Variants in SLC24A2 observed in about 807,000 individuals in gnomAD.
The protein encoded by SLC24A2 is solute carrier family 24 member 2.
In SLC24A2, 36 loss-of-function variants were observed where a neutral mutation model predicts 62.0. That is an observed-to-expected ratio of 0.58 (90% confidence interval 0.44 to 0.77). SLC24A2 has a LOEUF of 0.77. SLC24A2 is among the 30% of genes least tolerant of loss of function. The pLI is 0.00. For missense variants in SLC24A2, 846 were observed against 817.9 expected (o/e 1.03, Z -0.42); for synonymous variants, 358 against 294.0 (o/e 1.22, Z -2.23).
the SLC24A2 span, among the ~76,000 whole-genome samples, chr9:20,119,634 G>C: frequency 1.3e-5 from 2 of 152,252 alleles, no homozygotes; most frequent in South Asian, 2.1e-4. Flanking sequence ...ACCATAAAAA[G>C]CCTACAGCTA....
chr9:20,296,711 C>T, the SLC24A2 span, among the ~76,000 whole-genome samples: 11 of 152,168 alleles, frequency 7.2e-5, no homozygotes, highest in Non-Finnish European at 1.5e-4. Context: ...ATTGAGGTTG[C>T]CCATCATGGT....
At chr9:20,110,157 A>G in the SLC24A2 span, among the ~76,000 whole-genome samples, 96 of 152,294 alleles carry the variant, frequency 6.3e-4, no homozygotes, top group African/African-American at 2.3e-3. Flanking sequence ...TAAGGCTTCA[A>G]CTGGCTTTAA....
chr9:19,857,371 A>G, the SLC24A2 span, among the ~76,000 whole-genome samples: 1 of 152,120 alleles, frequency 6.6e-6, no homozygotes, highest in African/African-American at 2.4e-5. Context: ...CCTCAATTAC[A>G]TCTACAAAGT....
the SLC24A2 span, among the ~76,000 whole-genome samples, chr9:20,087,542 A>G: frequency 1.3e-5 from 2 of 152,222 alleles, no homozygotes; most frequent in African/African-American, 4.8e-5. Flanking sequence ...AAGAGAGATA[A>G]TATTTCCTCT....
intron 5 of SLC24A2, among the ~76,000 whole-genome samples, chr9:19,589,442 T>A (rs1282624148): frequency 6.6e-6 from 1 of 152,234 alleles, no homozygotes; most frequent in Admixed American, 6.5e-5. Flanking sequence ...TCACTCTTAT[T>A]GTCTTTCCTT....
the SLC24A2 span, among the ~76,000 whole-genome samples, chr9:19,991,860 C>T: frequency 6.6e-6 from 1 of 152,126 alleles, no homozygotes; most frequent in Non-Finnish European, 1.5e-5. Flanking sequence ...ATGAGCAAGA[C>T]TTAAACTGAG....
At chr9:20,164,699 G>T in the SLC24A2 span, among the ~76,000 whole-genome samples, 1 of 151,904 alleles carries the variant, frequency 6.6e-6, no homozygotes, top group East Asian at 1.9e-4. Flanking sequence ...GTTTATTGTG[G>T]CACTATTCAC....
At position 19,621,996 on chromosome 9, in the gene SLC24A2, C is replaced by T. The variant is rs114061409; in HGVS notation, c.969+265G>A. Among the ~76,000 whole-genome samples the T allele has an allele frequency of 8.7e-3, 1,328 of 152,288 alleles. 20 individuals are homozygous for T. The highest frequency in any genetic ancestry group is 0.03 in the African/African-American group (1,258 of 41,552). On this transcript the variant is annotated intron_variant, in intron 3 of 10. Transcript: ENST00000341998. ...TGCAATTTGGAAATATCTCACTCTT[C>T]CAACTTCTACAAAAGTTCATACCAA...
intron 7 of SLC24A2, among the ~76,000 whole-genome samples, chr9:19,552,124 A>G (rs754369384): frequency 1.3e-5 from 2 of 152,176 alleles, no homozygotes; most frequent in South Asian, 2.1e-4. Context: ...TTTCTATGCA[A>G]TTCACATATT....
At chr9:19,823,801 ATGGTAC>A in the SLC24A2 span, among the ~76,000 whole-genome samples, 4 of 152,180 alleles carry the variant, frequency 2.6e-5, no homozygotes, top group Non-Finnish European at 5.9e-5. Flanking sequence ...CCAAAAGAGC[ATGGTAC>A]TGGTACCAAA....
the SLC24A2 span, among the ~76,000 whole-genome samples, chr9:20,085,277 G>A: frequency 6.6e-6 from 1 of 152,158 alleles, no homozygotes; most frequent in African/African-American, 2.4e-5. Context: ...GGGATTACAG[G>A]CATGAGCCAC....
chr9:20,022,826 A>G, the SLC24A2 span, among the ~76,000 whole-genome samples: 1 of 152,196 alleles, frequency 6.6e-6, no homozygotes, highest in African/African-American at 2.4e-5. Flanking sequence ...CTAATAAAAA[A>G]TATCGCATTA....
At chr9:20,004,264 T>A in the SLC24A2 span, among the ~76,000 whole-genome samples, 12 of 152,342 alleles carry the variant, frequency 7.9e-5, no homozygotes, top group South Asian at 2.5e-3. Context: ...GGAGGTTTCC[T>A]TCCATTGGCC....
chr9:20,015,335 G>C, the SLC24A2 span, among the ~76,000 whole-genome samples: 1 of 152,202 alleles, frequency 6.6e-6, no homozygotes, highest in Non-Finnish European at 1.5e-5. Flanking sequence ...TAGCCTTGTA[G>C]ATGCAGGTGC....
At chr9:19,758,503 T>A (rs992161388) in intron 2 of SLC24A2, among the ~76,000 whole-genome samples, 5 of 152,206 alleles carry the variant, frequency 3.3e-5, no homozygotes, top group Non-Finnish European at 7.3e-5. Flanking sequence ...TGAACTTTCC[T>A]TATTTATTTT....
chr9:19,854,927 G>A, the SLC24A2 span, among the ~76,000 whole-genome samples: 2 of 152,164 alleles, frequency 1.3e-5, no homozygotes, highest in Non-Finnish European at 2.9e-5. Flanking sequence ...GTGAGTCTGA[G>A]TCTCTTTGCA....
At chr9:19,850,767 C>G in the SLC24A2 span, among the ~76,000 whole-genome samples, 3 of 151,008 alleles carry the variant, frequency 2.0e-5, no homozygotes, top group East Asian at 5.8e-4. Context: ...TAAGTTTTAT[C>G]TATTAAAAAC....
At chr9:19,770,186 G>T (rs1410063753) in intron 2 of SLC24A2, among the ~76,000 whole-genome samples, 1 of 151,846 alleles carries the variant, frequency 6.6e-6, no homozygotes, top group Non-Finnish European at 1.5e-5. Context: ...TCAAGAAGTT[G>T]CTGTATGACT....
At chr9:19,708,704 T>A (rs1820614272) in intron 2 of SLC24A2, among the ~76,000 whole-genome samples, 1 of 152,206 alleles carries the variant, frequency 6.6e-6, no homozygotes, top group African/African-American at 2.4e-5. Flanking sequence ...GCTAGCCATA[T>A]GGAGAAAGCT....
Sources: gnomAD v4.1 joint callset for allele counts (sites outside exome capture counted in the v4.1 genomes callset) on GRCh38, gnomAD v4.1.1 for gene constraint, MANE v1.5 for transcripts, NCBI Gene and HGNC (gene_info 2026-07-23, HGNC 2026-07-21) for gene names.